Variants in CNTD1 observed in about 807,000 individuals in gnomAD.
CNTD1 encodes cyclin N-terminal domain containing 1.
In CNTD1, 17 loss-of-function variants were observed where a neutral mutation model predicts 36.3. The observed-to-expected ratio is 0.47, with a 90% CI of 0.32 to 0.70. The LOEUF is 0.70. Ranked by LOEUF, CNTD1 falls within the 30% of genes least tolerant of loss-of-function variation. The pLI is 0.03. For synonymous variants in CNTD1, 128 were observed against 153.3 expected, an observed-to-expected ratio of 0.83 and a Z score of 1.22; for missense variants, 338 against 386.1, an observed-to-expected ratio of 0.88 and a Z score of 1.04.
Position 42,804,324 on chromosome 17 carries a change from G to C in CNTD1, c.345G>C (p.Gln115His). 6.2e-7 allele frequency: 1 copy of C among 1,614,074 alleles called. No homozygotes were observed. The part of the protein sequence containing the change: ...ESQNWRALKQ[Q>H]LVNKFTLRLV... ...AGAATTGGAGGGCTCTGAAACAGCA[G>C]CTTGTCAACAAGTTTACTCTCCGTC... The change falls in exon 3 of 7, where the codon CAG (glutamine) becomes CAC (histidine). Residue 115 changes from glutamine (Q) to histidine (H), a missense_variant. Coordinates refer to ENST00000588408, the MANE Select transcript of CNTD1 (RefSeq NM_173478.3).
rs1008750650 is a variant in CNTD1, at chr17:42,809,940, T to C, written c.*405T>C. 2 of 120,196 alleles carry C rather than the reference T, an allele frequency of 1.7e-5. No homozygotes were observed. The highest frequency in any genetic ancestry group is 6.4e-5 in the African/African-American group (2 of 31,228). 7.4% of individuals were successfully genotyped at this position (120,196 alleles called of 1,614,324 possible). A position where few individuals can be genotyped will look rare whatever the true frequency, so the allele number is the denominator to read the frequency against. ...CCTTAAAATTAGTTTAACATCTCTG[T>C]TCCATTATTCAGATCTACACAAACA... is the stretch of plus-strand genomic sequence containing the variant. On this transcript the variant is annotated 3_prime_UTR_variant, in exon 7 of 7. Coordinates refer to ENST00000588408, the MANE Select transcript of CNTD1 (RefSeq NM_173478.3).
chr17:42,804,135 A>T, intron 2 of CNTD1, 90 bp from the exon 3 acceptor site: 1 of 1,249,562 alleles, frequency 8.0e-7, no homozygotes, highest in African/African-American at 1.5e-5. Flanking sequence ...CACCATGCTC[A>T]GCCTCAAATG....
In CNTD1 at chr17:42,810,998, G is replaced by A; in HGVS notation, c.*1463G>A. 1.4e-6 allele frequency: 2 copies of A among 1,414,830 alleles called. No homozygotes were observed. The highest frequency in any genetic ancestry group is 2.4e-5 in the East Asian group (1 of 42,340). 87.6% of individuals were successfully genotyped at this position (1,414,830 alleles called of 1,614,324 possible). On this transcript the variant is annotated 3_prime_UTR_variant, in exon 7 of 7. Coordinates refer to ENST00000588408, the MANE Select transcript of CNTD1 (RefSeq NM_173478.3). ...TTAAGTAAGTTCGGGGCAGGGACTTGATCATGGGACCATTCACGTCATTTT... is the reference window on the plus strand; with the variant it reads ...TTAAGTAAGTTCGGGGCAGGGACTTAATCATGGGACCATTCACGTCATTTT...
chr17:42,809,437 A>G lies in CNTD1; in HGVS notation c.895A>G (p.Thr299Ala), dbSNP rs770730172. 2 of 1,613,980 alleles carry G rather than the reference A, an allele frequency of 1.2e-6. No individual in the cohort carries two copies. The highest frequency in any genetic ancestry group is 1.3e-5 in the African/African-American group (1 of 74,926). ...TGCTGAGTTCTCTTATGCAATCCTG[A>G]CTCACGGAGTGGGAGCCAACACTCC... The part of the protein sequence containing the change: ...SIAEFSYAIL[T>A]HGVGANTPGR... The change falls in exon 7 of 7, where the codon ACT becomes GCT. Residue 299 changes from threonine (T) to alanine (A), a missense_variant. Transcript: ENST00000588408.
At chr17:42,806,221 C>T (rs1567662662) in intron 4 of CNTD1, among the ~76,000 whole-genome samples, 1 of 143,858 alleles carries the variant, frequency 7.0e-6, no homozygotes, top group Non-Finnish European at 1.5e-5. Flanking sequence ...GAGCGGACTC[C>T]TTCTCAAAAA....
At position 42,809,442 on chromosome 17, in the gene CNTD1, C is replaced by A. The variant is rs776430263; in HGVS notation, c.900C>A (p.His300Gln). ...IAEFSYAILT[H>Q]GVGANTPGRQ... ...AGTTCTCTTATGCAATCCTGACTCA[C>A]GGAGTGGGAGCCAACACTCCGGGGA... is the stretch of plus-strand genomic sequence containing the variant. Residue 300 changes from histidine to glutamine, a missense_variant, in exon 7 of 7, where the codon CAC (histidine) becomes CAA (glutamine). Coordinates refer to ENST00000588408, the MANE Select transcript of CNTD1 (RefSeq NM_173478.3). 1 of 1,614,156 alleles carries A rather than the reference C, an allele frequency of 6.2e-7. No homozygotes were observed. The highest frequency in any genetic ancestry group is 8.5e-7 in the Non-Finnish European group (1 of 1,179,994).
At chr17:42,806,851 AG>A in intron 5 of CNTD1, 33 bp downstream of exon 5, 4 of 1,607,944 alleles carry the variant, frequency 2.5e-6, no homozygotes, top group Non-Finnish European at 2.6e-6. Flanking sequence ...GGCTCCTTCC[AG>A]GAACAGGGAA....
chr17:42,806,226 C>CAAA (rs34561225), intron 4 of CNTD1, among the ~76,000 whole-genome samples: 3 of 129,506 alleles, frequency 2.3e-5, no homozygotes, highest in African/African-American at 8.3e-5. Context: ...GACTCCTTCT[C>CAAA]AAAAAAAAAA....
intron 1 of CNTD1, among the ~76,000 whole-genome samples, 184 bp downstream of exon 1, chr17:42,799,420 A>G (rs959747512): frequency 6.6e-6 from 1 of 152,122 alleles, no homozygotes; most frequent in Non-Finnish European, 1.5e-5. Context: ...TTTCTTCGAC[A>G]TGTATGGAAT....
chr17:42,805,937 C>G (rs191118712), intron 4 of CNTD1, 53 bp downstream of exon 4: 2 of 1,511,378 alleles, frequency 1.3e-6, no homozygotes, highest in Admixed American at 1.9e-5. Context: ...GAAGGCAATA[C>G]AAAATGTGCA....
At chr17:42,802,340 A>G (rs1263715767) in intron 1 of CNTD1, among the ~76,000 whole-genome samples, 1 of 152,146 alleles carries the variant, frequency 6.6e-6, no homozygotes, top group Non-Finnish European at 1.5e-5. Flanking sequence ...TAGCAAGGGA[A>G]AGGTGTAACC....
chr17:42,800,129 TC>T (rs1363286599), intron 1 of CNTD1, among the ~76,000 whole-genome samples: 1 of 150,684 alleles, frequency 6.6e-6, no homozygotes, highest in African/African-American at 2.4e-5. Flanking sequence ...GGTCTTGCCT[TC>T]AAACCATGTG....
At position 42,809,668 on chromosome 17, in the gene CNTD1, T is replaced by C; in HGVS notation, c.*133T>C. The stretch of plus-strand genomic sequence containing the variant: ...GTATTTTGTATGCCAATTTCATGCT[T>C]ATTTTTCCTTTATCAGAGAGAGTTA... On this transcript the variant is annotated 3_prime_UTR_variant, in exon 7 of 7. Transcript: ENST00000588408. The C allele has an allele frequency of 1.3e-6, 1 of 774,726 alleles. No individual in the cohort carries two copies. 48.0% of individuals were successfully genotyped at this position (774,726 alleles called of 1,614,324 possible). A position where few individuals can be genotyped will look rare whatever the true frequency, so the allele number is the denominator to read the frequency against.
chr17:42,811,000 T>C lies in CNTD1; in HGVS notation c.*1465T>C. 2.1e-6 allele frequency: 3 copies of C among 1,407,674 alleles called. No homozygotes were observed. Among genetic ancestry groups the C allele is most frequent in the Non-Finnish European group, 2.9e-6 (3 of 1,045,938 alleles). The allele number at this position is 1,407,674 out of a possible 1,614,324, so 87.2% of individuals were successfully genotyped here. A position where few individuals can be genotyped will look rare whatever the true frequency, so the allele number is the denominator to read the frequency against. On this transcript the variant is annotated 3_prime_UTR_variant, in exon 7 of 7. Coordinates refer to ENST00000588408, the MANE Select transcript of CNTD1 (RefSeq NM_173478.3). ...AAGTAAGTTCGGGGCAGGGACTTGA[T>C]CATGGGACCATTCACGTCATTTTAT...
intron 5 of CNTD1, among the ~76,000 whole-genome samples, chr17:42,807,457 C>G (rs1286388862): frequency 6.6e-6 from 1 of 151,902 alleles, no homozygotes; most frequent in East Asian, 1.9e-4. Flanking sequence ...AAGGTTGCAA[C>G]TTGGACAAGA....
At chr17:42,803,406 G>A (rs1247152557) in intron 1 of CNTD1, among the ~76,000 whole-genome samples, 1 of 152,228 alleles carries the variant, frequency 6.6e-6, no homozygotes, top group East Asian at 1.9e-4. Context: ...GTAAGCCCTT[G>A]TCTTTGGCAC....
At chr17:42,804,136 G>A (rs943835807) in intron 2 of CNTD1, 89 bp from the exon 3 acceptor site, 1 of 1,265,434 alleles carries the variant, frequency 7.9e-7, no homozygotes, top group Admixed American at 2.1e-5. Context: ...ACCATGCTCA[G>A]CCTCAAATGT....
At chr17:42,802,685 C>G (rs1200751858) in intron 1 of CNTD1, among the ~76,000 whole-genome samples, 3 of 152,116 alleles carry the variant, frequency 2.0e-5, no homozygotes, top group Non-Finnish European at 4.4e-5. Context: ...CTTGTGTAAG[C>G]TTGACTAAAT....
chr17:42,803,134 C>T (rs2054822720), intron 1 of CNTD1, among the ~76,000 whole-genome samples: 1 of 152,208 alleles, frequency 6.6e-6, no homozygotes, highest in Non-Finnish European at 1.5e-5. Flanking sequence ...AATGGGAGTT[C>T]TCCAGAGGGT....
Sources: gnomAD v4.1 joint callset for allele counts (sites outside exome capture counted in the v4.1 genomes callset) on GRCh38, gnomAD v4.1.1 for gene constraint, MANE v1.5 for transcripts, NCBI Gene and HGNC (gene_info 2026-07-23, HGNC 2026-07-21) for gene names.